Variants in RBFOX1 observed in about 807,000 individuals in gnomAD.
The protein encoded by RBFOX1 is RNA binding protein fox-1 homolog 1.
Under a neutral mutation model 57.7 loss-of-function variants are expected in RBFOX1, and 8 were observed. The observed-to-expected ratio is 0.14, with a 90% CI of 0.08 to 0.25. RBFOX1 has a LOEUF of 0.25. Ranked by LOEUF, RBFOX1 falls within the 10% of genes least tolerant of loss-of-function variation. RBFOX1 has a pLI of 1.00. For missense variants in RBFOX1, 611 were observed against 548.5 expected (o/e 1.11, Z -1.14); for synonymous variants, 326 against 222.4 (o/e 1.47, Z -4.15).
rs577607776 is a variant in RBFOX1, at chr16:5,537,393, A to G, written c.259-61509A>G. On this transcript the variant is annotated intron_variant, in intron 2 of 2. Coordinates refer to the RBFOX1 transcript ENST00000585867. ...ATTGCTGCTGTGTCAAACTACCACAAATATAGTGACTTATGCCAACAAAAA... is the reference window on the plus strand; with the variant it reads ...ATTGCTGCTGTGTCAAACTACCACAGATATAGTGACTTATGCCAACAAAAA... Among the ~76,000 whole-genome samples, 59 of 152,332 alleles carry G rather than the reference A, an allele frequency of 3.9e-4. No homozygotes were observed. The South Asian group carries it at 7.7e-3, about 20-fold the overall frequency.
At chr16:6,020,796 G>A (rs2095058675) in intron 1 of RBFOX1, among the ~76,000 whole-genome samples, 1 of 152,174 alleles carries the variant, frequency 6.6e-6, no homozygotes. Context: ...CCGCCCAGGA[G>A]GCCACTTGGC....
chr16:5,326,893 A>G (rs562071402), intron 1 of RBFOX1, among the ~76,000 whole-genome samples: 1 of 152,314 alleles, frequency 6.6e-6, no homozygotes, highest in African/African-American at 2.4e-5. Context: ...TCAGGATATT[A>G]ATTCATTAAT....
intron 4 of RBFOX1, among the ~76,000 whole-genome samples, chr16:7,181,404 A>G (rs2082676176): frequency 6.6e-6 from 1 of 152,140 alleles, no homozygotes; most frequent in South Asian, 2.1e-4. Flanking sequence ...GTAAGAGTTA[A>G]TTAGGGGTCC....
At chr16:7,105,988 C>G (rs8059460) in intron 4 of RBFOX1, among the ~76,000 whole-genome samples, 3 of 152,100 alleles carry the variant, frequency 2.0e-5, no homozygotes, top group Admixed American at 6.6e-5. Flanking sequence ...CTCTATGAAA[C>G]TACTCAGTCC....
At chr16:5,465,154 A>T (rs1266455319) in intron 1 of RBFOX1, among the ~76,000 whole-genome samples, 1 of 152,196 alleles carries the variant, frequency 6.6e-6, no homozygotes, top group Non-Finnish European at 1.5e-5. Flanking sequence ...TCAGTTCTGG[A>T]GTCCAGAAGT....
chr16:5,496,125 CAAAAA>C (rs145909388), intron 2 of RBFOX1, among the ~76,000 whole-genome samples: 11,215 of 151,780 alleles, frequency 0.074, 461 homozygotes, highest in Non-Finnish European at 0.094. Flanking sequence ...GACTCCATCT[CAAAAA>C]GAAAAGAAAA....
chr16:7,534,086 C>CTTTTCTTTT (rs1555561495), intron 5 of RBFOX1, among the ~76,000 whole-genome samples: 4 of 129,926 alleles, frequency 3.1e-5, no homozygotes, highest in Admixed American at 8.3e-5. Flanking sequence ...CGTTTTTTTT[C>CTTTTCTTTT]TTTTTTTTTT....
chr16:7,392,283 T>G lies in RBFOX1; in HGVS notation c.28-125864T>G, dbSNP rs2098043822. On this transcript the variant is annotated intron_variant, in intron 4 of 15. Transcript: ENST00000550418. Reference sequence around the variant, plus strand: ...GGACAACTTTCCCCTGTAGTCCCCTTGTATAGCACCTTGCATTTCCCTCCA... The same window carrying G: ...GGACAACTTTCCCCTGTAGTCCCCTGGTATAGCACCTTGCATTTCCCTCCA... Among the ~76,000 whole-genome samples, 2 of 152,272 alleles carry G rather than the reference T, an allele frequency of 1.3e-5. 1 individual carries two copies. Among genetic ancestry groups the G allele is most frequent in the South Asian group, 4.1e-4 (2 of 4,828 alleles).
chr16:7,343,065 C>T (rs953267507), intron 4 of RBFOX1, among the ~76,000 whole-genome samples: 10 of 152,256 alleles, frequency 6.6e-5, no homozygotes, highest in Admixed American at 2.6e-4. Context: ...CTGTCCCCTC[C>T]GTTCCATGTG....
chr16:7,577,106 G>C (rs1418988828), intron 5 of RBFOX1, among the ~76,000 whole-genome samples: 1 of 152,220 alleles, frequency 6.6e-6, no homozygotes, highest in Non-Finnish European at 1.5e-5. Flanking sequence ...CGGCGACATT[G>C]ATTGTACACT....
Position 5,717,714 on chromosome 16 carries a change from T to C in RBFOX1, c.318+118753T>C, listed in dbSNP as rs375049144. On this transcript the variant is annotated intron_variant, in intron 3 of 19. Coordinates refer to the RBFOX1 transcript ENST00000641259. ...TATCATTTCAACACAGCACTCTCTCTAATAATTGGGAGGGCTTCGGTAACT... is the reference window on the plus strand; with the variant it reads ...TATCATTTCAACACAGCACTCTCTCCAATAATTGGGAGGGCTTCGGTAACT... Among the ~76,000 whole-genome samples the C allele has an allele frequency of 1.2e-4, 18 of 152,348 alleles. No homozygotes were observed. In the East Asian group the frequency reaches 3.5e-3, roughly 29 times the overall value.
chr16:5,563,145 C>T (rs1470590499), intron 2 of RBFOX1, among the ~76,000 whole-genome samples: 2 of 152,178 alleles, frequency 1.3e-5, no homozygotes, highest in Non-Finnish European at 2.9e-5. Context: ...GACGGGGTTT[C>T]ACCATGTTGG....
At chr16:5,415,671 G>A (rs1252249801) in intron 1 of RBFOX1, among the ~76,000 whole-genome samples, 4 of 152,056 alleles carry the variant, frequency 2.6e-5, no homozygotes. Flanking sequence ...AAATGATACT[G>A]GTTTTCTATT....
chr16:5,751,570 C>G (rs1336790217), intron 3 of RBFOX1, among the ~76,000 whole-genome samples: 1 of 152,128 alleles, frequency 6.6e-6, no homozygotes, highest in Non-Finnish European at 1.5e-5. Flanking sequence ...CTCTAGGAAT[C>G]AGAGAGGGCA....
intron 3 of RBFOX1, among the ~76,000 whole-genome samples, chr16:6,754,672 A>T (rs781174384): frequency 1.3e-4 from 20 of 152,000 alleles, no homozygotes; most frequent in Non-Finnish European, 2.4e-4. Context: ...AGAAAGAGAG[A>T]ATTAGAGAGA....
intron 1 of RBFOX1, among the ~76,000 whole-genome samples, chr16:6,108,422 C>T (rs762024041): frequency 6.6e-6 from 1 of 152,084 alleles, no homozygotes; most frequent in Admixed American, 6.6e-5. Context: ...TGCAACATAG[C>T]TATGTGTTTA....
chr16:7,189,425 C>CAAA (rs1159617665), intron 4 of RBFOX1, among the ~76,000 whole-genome samples: 2,094 of 67,426 alleles, frequency 0.031, 181 homozygotes, highest in East Asian at 0.23. Context: ...GACTCCCTCT[C>CAAA]AAAAAAAAAA....
intron 13 of RBFOX1, among the ~76,000 whole-genome samples, chr16:7,667,748 T>G (rs8056347): frequency 1 from 152,236 of 152,236 alleles, 76,118 homozygotes; most frequent in Non-Finnish European, 1. Context: ...TGCAATGTCA[T>G]CTGTCTGCAA....
At chr16:7,497,449 CT>C (rs1283970085) in intron 4 of RBFOX1, among the ~76,000 whole-genome samples, 23 of 152,268 alleles carry the variant, frequency 1.5e-4, no homozygotes, top group African/African-American at 5.1e-4. Context: ...TCTTTGCCCC[CT>C]ATAATAATTT....
Sources: gnomAD v4.1 joint callset for allele counts (sites outside exome capture counted in the v4.1 genomes callset) on GRCh38, gnomAD v4.1.1 for gene constraint, MANE v1.5 for transcripts, NCBI Gene and HGNC (gene_info 2026-07-23, HGNC 2026-07-21) for gene names.